DMXL2: variants seen among roughly 807,000 people sequenced by gnomAD.
The protein encoded by DMXL2 is dmX-like protein 2.
Under a neutral mutation model 331.1 loss-of-function variants are expected in DMXL2, and 103 were observed. The ratio of observed to expected loss-of-function variants is 0.31; its 90% CI spans 0.27 to 0.37. The LOEUF is 0.37. DMXL2 is among the 10% of genes least tolerant of loss of function. The pLI is 1.00. For synonymous variants in DMXL2, 1,281 were observed against 1,252.1 expected, an observed-to-expected ratio of 1.02 and a Z score of -0.49; for missense variants, 3,171 against 3,642.9, an observed-to-expected ratio of 0.87 and a Z score of 3.33.
chr15:51,504,764 C>G (rs1484508780), intron 16 of DMXL2, among the ~76,000 whole-genome samples: 1 of 152,180 alleles, frequency 6.6e-6, no homozygotes, highest in South Asian at 2.1e-4. Flanking sequence ...CCACTCCTGG[C>G]TTTATCACTA....
intron 6 of DMXL2, among the ~76,000 whole-genome samples, chr15:51,561,334 T>C (rs1014683152): frequency 8.6e-5 from 13 of 151,988 alleles, no homozygotes; most frequent in African/African-American, 3.1e-4. Flanking sequence ...TGCAGGAGAG[T>C]AGTCTTCATA....
At chr15:51,450,573 G>C (rs1013762220) in intron 42 of DMXL2, 1 of 510,858 alleles carries the variant, frequency 2.0e-6, no homozygotes, top group Non-Finnish European at 3.5e-6. Flanking sequence ...AATGAACACA[G>C]AGAGAAAAAG....
chr15:51,517,769 C>T (rs2047117460), intron 13 of DMXL2, among the ~76,000 whole-genome samples: 1 of 152,160 alleles, frequency 6.6e-6, no homozygotes, highest in Admixed American at 6.5e-5. Context: ...CTTTTCACTA[C>T]CTCAAAAAGG....
intron 18 of DMXL2, 131 bp from the exon 19 acceptor site, chr15:51,495,265 T>G: frequency 2.0e-6 from 1 of 509,996 alleles, no homozygotes; most frequent in Admixed American, 3.6e-5. Flanking sequence ...TATTCCTTCC[T>G]GAACACTTTA....
At chr15:51,458,921 GA>G in intron 34 of DMXL2, 126 bp from the exon 35 acceptor site, 1 of 793,290 alleles carries the variant, frequency 1.3e-6, no homozygotes, top group Non-Finnish European at 2.0e-6. Flanking sequence ...GCAGCAGCAA[GA>G]AAAAAGGGTA....
Position 51,480,829 on chromosome 15 carries a change from C to T in DMXL2, c.6277G>A (p.Val2093Ile). 6.2e-7 allele frequency: 1 copy of T among 1,612,500 alleles called. No homozygotes were observed. Among genetic ancestry groups the T allele is most frequent in the Non-Finnish European group, 8.5e-7 (1 of 1,179,348 alleles). The change falls in exon 24 of 44, where the codon GTT (valine) becomes ATT (isoleucine). Residue 2093 changes from valine to isoleucine, a missense_variant. Transcript: ENST00000560891. ...GTCTTACTGGAATACTCTTTAATAA[C>T]TGATTCATGATTACATATCTCATGC... Reference protein sequence around the residue: ...ALHEICNHESVIKEYSSKTYS... With the variant: ...ALHEICNHESIIKEYSSKTYS...
chr15:51,611,774 A>T (rs2141403811), intron 1 of DMXL2, among the ~76,000 whole-genome samples: 1 of 152,324 alleles, frequency 6.6e-6, no homozygotes, highest in South Asian at 2.1e-4. Context: ...TTTCTGTCTT[A>T]CAAGAGGATT....
chr15:51,454,550 G>A (rs952324588), intron 40 of DMXL2, among the ~76,000 whole-genome samples: 3 of 152,094 alleles, frequency 2.0e-5, no homozygotes, highest in Non-Finnish European at 4.4e-5. Flanking sequence ...AAGCTAGAGC[G>A]CAGTGGCACA....
intron 15 of DMXL2, among the ~76,000 whole-genome samples, chr15:51,510,713 A>G (rs2046703621): frequency 6.6e-6 from 1 of 152,170 alleles, no homozygotes; most frequent in African/African-American, 2.4e-5. Context: ...ATATGGAACC[A>G]AAAAAGAGCC....
intron 18 of DMXL2, among the ~76,000 whole-genome samples, 198 bp from the exon 19 acceptor site, chr15:51,495,332 A>G (rs945378744): frequency 2.0e-5 from 3 of 152,222 alleles, no homozygotes; most frequent in Non-Finnish European, 4.4e-5. Context: ...AACTCTTAAA[A>G]GAAAAATGAT....
At position 51,519,878 on chromosome 15, in the gene DMXL2, C is replaced by T. The variant is rs186966110; in HGVS notation, c.2437-2711G>A. ...GGCTGGTCTTGAACTCCTGACCTCA[C>T]GTGATCCACCTGCCTCGGCCTCCCA... On this transcript the variant is annotated intron_variant, in intron 13 of 43. Coordinates refer to ENST00000560891, the MANE Select transcript of DMXL2 (RefSeq NM_001378457.1). Among the ~76,000 whole-genome samples the T allele has an allele frequency of 4.5e-4, 68 of 151,960 alleles. 1 individual carries two copies. Among genetic ancestry groups the T allele is most frequent in the Admixed American group, 4.1e-3 (62 of 15,270 alleles).
intron 25 of DMXL2, 48 bp from the exon 26 acceptor site, chr15:51,478,395 C>A (rs1436811132): frequency 1.3e-6 from 2 of 1,521,868 alleles, no homozygotes; most frequent in Non-Finnish European, 9.1e-7. Flanking sequence ...CATTTCTACA[C>A]AACAGTAATA....
chr15:51,478,165 C>T (rs2041734486), intron 26 of DMXL2, 106 bp downstream of exon 26: 1 of 770,912 alleles, frequency 1.3e-6, no homozygotes, highest in African/African-American at 1.8e-5. Flanking sequence ...TCATGGCTGT[C>T]ATATTTAGGG....
At chr15:51,449,435 T>C (rs565894553) in intron 43 of DMXL2, among the ~76,000 whole-genome samples, 13 of 152,202 alleles carry the variant, frequency 8.5e-5, no homozygotes, top group Non-Finnish European at 1.3e-4. Flanking sequence ...ATGTAGCCCA[T>C]CTCTAATTCA....
Position 51,471,418 on chromosome 15 carries a change from G to C in DMXL2, c.7214-17C>G. ...CAGGAGGTGCTAAATGAAGATAGAA[G>C]GAAAAAAAAATCTAGCATTCATTTT... On this transcript the variant is annotated splice_polypyrimidine_tract_variant and intron_variant, in intron 28 of 43. Transcript: ENST00000560891. 4 of 1,548,086 alleles carry C rather than the reference G, an allele frequency of 2.6e-6. No individual in the cohort carries two copies. The highest frequency in any genetic ancestry group is 3.5e-6 in the Non-Finnish European group (4 of 1,145,946).
intron 8 of DMXL2, 81 bp from the exon 9 acceptor site, chr15:51,542,588 G>C: frequency 2.8e-6 from 3 of 1,080,582 alleles, no homozygotes; most frequent in Non-Finnish European, 3.9e-6. Context: ...TTATTAAGAG[G>C]TTTAAGATTT....
intron 2 of DMXL2, among the ~76,000 whole-genome samples, chr15:51,569,963 G>C (rs951341141): frequency 3.3e-5 from 5 of 152,054 alleles, no homozygotes; most frequent in African/African-American, 7.2e-5. Context: ...ACAGAAGTAG[G>C]CTTCAGAAGG....
chr15:51,494,307 G>GT (rs778696051), intron 19 of DMXL2, among the ~76,000 whole-genome samples: 23 of 152,148 alleles, frequency 1.5e-4, no homozygotes, highest in Non-Finnish European at 3.2e-4. Context: ...GAATAACAGT[G>GT]TATCAAGCCT....
At chr15:51,539,478 G>A (rs561216196) in intron 9 of DMXL2, among the ~76,000 whole-genome samples, 2 of 152,246 alleles carry the variant, frequency 1.3e-5, no homozygotes, top group African/African-American at 2.4e-5. Flanking sequence ...TCCATTTGAG[G>A]TAACTGAAAT....
Sources: allele counts gnomAD v4.1 joint callset (sites outside exome capture counted in the v4.1 genomes callset), GRCh38; gene constraint gnomAD v4.1.1; transcripts MANE v1.5; gene names NCBI Gene and HGNC (gene_info 2026-07-23, HGNC 2026-07-21).